L3MBTL4: variants seen among roughly 807,000 people sequenced by gnomAD.
L3MBTL4 encodes lethal(3)malignant brain tumor-like protein 4.
L3MBTL4 carries 70 observed loss-of-function variants against 84.5 expected under a neutral mutation model. The ratio of observed to expected loss-of-function variants is 0.83; its 90% CI spans 0.68 to 1.01. The LOEUF (loss-of-function observed/expected upper bound fraction) is 1.01, where lower values mean the gene tolerates loss of function less well. L3MBTL4 is among the 50% of genes least tolerant of loss of function. L3MBTL4 has a pLI of 0.00. For missense variants in L3MBTL4, 715 were observed against 754.8 expected (o/e 0.95, Z 0.62); for synonymous variants, 274 against 259.8 (o/e 1.05, Z -0.52).
At chr18:6,076,473 G>A (rs560512121) in intron 16 of L3MBTL4, among the ~76,000 whole-genome samples, 1 of 152,282 alleles carries the variant, frequency 6.6e-6, no homozygotes, top group African/African-American at 2.4e-5. Context: ...AGCTTGAGGT[G>A]AGCTTCTGGT....
intron 16 of L3MBTL4, among the ~76,000 whole-genome samples, chr18:6,064,830 A>G (rs1044572828): frequency 1.3e-5 from 2 of 151,966 alleles, no homozygotes; most frequent in African/African-American, 2.4e-5. Context: ...TCCACTTCAG[A>G]TGCTTTTTAT....
intron 16 of L3MBTL4, among the ~76,000 whole-genome samples, chr18:6,063,261 T>A (rs997972524): frequency 5.9e-5 from 9 of 151,666 alleles, no homozygotes; most frequent in Non-Finnish European, 1.2e-4. Context: ...AGGTTAGTAC[T>A]ATATCTTTGC....
chr18:6,070,742 G>T (rs1390529562), intron 16 of L3MBTL4, among the ~76,000 whole-genome samples: 1 of 152,162 alleles, frequency 6.6e-6, no homozygotes, highest in Non-Finnish European at 1.5e-5. Flanking sequence ...AGAGGCTGAG[G>T]TGGGAGGATC....
chr18:6,025,650 A>C (rs184553377), intron 16 of L3MBTL4, among the ~76,000 whole-genome samples: 1 of 152,330 alleles, frequency 6.6e-6, no homozygotes, highest in Admixed American at 6.5e-5. Context: ...TTCGTGGAAG[A>C]CATTTTTTCC....
chr18:6,029,433 T>C (rs115197939), intron 16 of L3MBTL4: 1 of 956,470 alleles, frequency 1.0e-6, no homozygotes, highest in African/African-American at 1.8e-5. Context: ...AATAATTACA[T>C]GAAAAAAATT....
intron 1 of L3MBTL4, among the ~76,000 whole-genome samples, chr18:6,413,332 C>G (rs1227034536): frequency 6.6e-6 from 1 of 152,158 alleles, no homozygotes; most frequent in Non-Finnish European, 1.5e-5. Flanking sequence ...CATCTAAGAG[C>G]ATAATTAATA....
At chr18:6,355,321 C>T (rs944052532) in intron 1 of L3MBTL4, among the ~76,000 whole-genome samples, 9 of 151,978 alleles carry the variant, frequency 5.9e-5, no homozygotes, top group Non-Finnish European at 1.2e-4. Flanking sequence ...CGACTATGTA[C>T]CCACAAAAAT....
At chr18:6,174,558 T>C (rs1002581368) in intron 12 of L3MBTL4, among the ~76,000 whole-genome samples, 6 of 152,026 alleles carry the variant, frequency 3.9e-5, no homozygotes, top group African/African-American at 1.4e-4. Context: ...AACAGATTCA[T>C]AGAAGTTATT....
chr18:6,097,716 T>C (rs904657259), intron 14 of L3MBTL4, among the ~76,000 whole-genome samples: 3 of 152,194 alleles, frequency 2.0e-5, no homozygotes, highest in Admixed American at 6.5e-5. Context: ...TAGTCAGCCT[T>C]GTGGGCTCCG....
rs117303752 is a variant in L3MBTL4, at chr18:6,186,673, G to A, written c.982-14731C>T. 4.3e-4 allele frequency among the ~76,000 whole-genome samples: 66 copies of A among 152,272 alleles called. 1 individual carries two copies. In the East Asian group the frequency reaches 9.5e-3, roughly 22 times the overall value. On this transcript the variant is annotated intron_variant, in intron 12 of 18. Transcript: ENST00000317931. ...GTGGAGGGCAGTCCAAGGGCAGAAA[G>A]GCAAGTTGTGGCAGTAAATCATAAA...
At chr18:6,012,282 G>C (rs1373307061) in intron 16 of L3MBTL4, among the ~76,000 whole-genome samples, 1 of 152,154 alleles carries the variant, frequency 6.6e-6, no homozygotes, top group East Asian at 1.9e-4. Context: ...AATGCACTGA[G>C]GGATGTATAG....
At chr18:6,344,782 C>T (rs548874304) in intron 1 of L3MBTL4, among the ~76,000 whole-genome samples, 50 of 151,850 alleles carry the variant, frequency 3.3e-4, no homozygotes, top group Non-Finnish European at 5.2e-4. Context: ...GGATAAAAAT[C>T]GTGATCATTT....
chr18:6,230,990 A>T (rs2046977519), intron 10 of L3MBTL4, among the ~76,000 whole-genome samples: 1 of 152,034 alleles, frequency 6.6e-6, no homozygotes, highest in Admixed American at 6.6e-5. Context: ...GACTTTTGTC[A>T]ATGCATAGTT....
intron 1 of L3MBTL4, among the ~76,000 whole-genome samples, chr18:6,404,200 C>A (rs557765143): frequency 1.3e-5 from 2 of 152,228 alleles, no homozygotes; most frequent in East Asian, 3.9e-4. Context: ...CACTAAAGAA[C>A]TTACCCATGT....
At chr18:6,370,442 C>T (rs2054112567) in intron 1 of L3MBTL4, among the ~76,000 whole-genome samples, 1 of 152,200 alleles carries the variant, frequency 6.6e-6, no homozygotes, top group African/African-American at 2.4e-5. Flanking sequence ...GCAGGTTCTT[C>T]AATGGGAACC....
At chr18:6,041,751 G>T (rs1386187205) in intron 16 of L3MBTL4, among the ~76,000 whole-genome samples, 2 of 151,936 alleles carry the variant, frequency 1.3e-5, no homozygotes, top group Non-Finnish European at 2.9e-5. Context: ...TTTAGATGGG[G>T]TCTCACCCTG....
chr18:6,305,061 C>T (rs1012415286), intron 3 of L3MBTL4, among the ~76,000 whole-genome samples: 16 of 152,180 alleles, frequency 1.1e-4, no homozygotes, highest in Non-Finnish European at 1.6e-4. Context: ...AACATCTGTA[C>T]GTTCTTTAGG....
intron 1 of L3MBTL4, among the ~76,000 whole-genome samples, chr18:6,403,890 T>C (rs2055612132): frequency 6.6e-6 from 1 of 152,190 alleles, no homozygotes; most frequent in Admixed American, 6.5e-5. Flanking sequence ...ATGTGGCATA[T>C]ATATACCATG....
intron 1 of L3MBTL4, among the ~76,000 whole-genome samples, chr18:6,327,660 G>A (rs1338528950): frequency 6.6e-6 from 1 of 152,158 alleles, no homozygotes; most frequent in Non-Finnish European, 1.5e-5. Flanking sequence ...TTGGGGACAG[G>A]AGACTTCAAG....
Sources: allele counts gnomAD v4.1 joint callset (sites outside exome capture counted in the v4.1 genomes callset), GRCh38; gene constraint gnomAD v4.1.1; transcripts MANE v1.5; gene names NCBI Gene and HGNC (gene_info 2026-07-23, HGNC 2026-07-21).